ABCB9: variants seen among roughly 807,000 people sequenced by gnomAD.
The protein encoded by ABCB9 is ABC-type oligopeptide transporter ABCB9.
ABCB9 carries 36 observed loss-of-function variants against 62.0 expected under a neutral mutation model. That is an observed-to-expected ratio of 0.58 (90% CI 0.45 to 0.77). The LOEUF (loss-of-function observed/expected upper bound fraction) is 0.77, where lower values mean the gene tolerates loss of function less well. Among genes scored for constraint, ABCB9 ranks in the 30% least tolerant of loss-of-function variants. ABCB9 has a pLI of 0.00. For missense variants in ABCB9, 943 were observed against 1,054.7 expected, an observed-to-expected ratio of 0.89 and a Z score of 1.47; for synonymous variants, 435 against 461.4, an observed-to-expected ratio of 0.94 and a Z score of 0.73.
At chr12:122,952,724 AG>A (rs1393335806) in intron 2 of ABCB9, 1 of 152,220 alleles carries the variant, frequency 6.6e-6, no homozygotes, top group African/African-American at 2.4e-5. Flanking sequence ...GGCTGTGCAA[AG>A]CATGCCGGCA....
intron 2 of ABCB9, among the ~76,000 whole-genome samples, chr12:122,956,340 C>A (rs1025007870): frequency 2.0e-5 from 3 of 152,132 alleles, no homozygotes; most frequent in Non-Finnish European, 4.4e-5. Flanking sequence ...CTTGCCTAAC[C>A]TCACACAGAT....
Position 122,949,866 on chromosome 12 carries a change from G to T in ABCB9, c.769C>A (p.Leu257Met). 1 of 1,614,226 alleles carries T rather than the reference G, an allele frequency of 6.2e-7. No homozygotes were observed. Among genetic ancestry groups the T allele is most frequent in the African/African-American group, 1.3e-5 (1 of 75,074 alleles). ...AGACAGTTTCGAAGGCGAATGTTCA[G>T]TCTGGCAAATATGAGGGTAAAAATG... is the stretch of plus-strand genomic sequence containing the variant. The part of the protein sequence containing the change: ...GGIFTLIFAR[L>M]NIRLRNCLFR... Residue 257 changes from leucine (L) to methionine (M), a missense_variant, in exon 4 of 12, where the codon CTG becomes ATG. Coordinates refer to ENST00000280560, the MANE Select transcript of ABCB9 (RefSeq NM_019625.4).
chr12:122,957,355 C>T lies in ABCB9; in HGVS notation c.601+2280G>A, dbSNP rs577880781. 9.8e-5 allele frequency among the ~76,000 whole-genome samples: 15 copies of T among 152,288 alleles called. No individual in the cohort carries two copies. In the South Asian group the frequency reaches 3.1e-3, roughly 32 times the overall value. On this transcript the variant is annotated intron_variant, in intron 2 of 11. Coordinates refer to ENST00000280560, the MANE Select transcript of ABCB9 (RefSeq NM_019625.4). ...CTGCACCCAGCTCTCCCGTTCTTTT[C>T]AGCATCTAAAATGTCAGGAAATAAG...
chr12:122,946,937 G>T (rs2036072464), intron 5 of ABCB9, among the ~76,000 whole-genome samples: 1 of 152,254 alleles, frequency 6.6e-6, no homozygotes. Flanking sequence ...GAGAGTCCAG[G>T]ACAGGAGCAT....
rs1214819726 is a variant in ABCB9 at position 122,966,268 on chromosome 12, T to TA, written c.-88+18dup. 6.6e-6 allele frequency: 1 copy of TA among 152,310 alleles called. No individual in the cohort carries two copies. Among genetic ancestry groups the TA allele is most frequent in the Non-Finnish European group, 1.5e-5 (1 of 68,154 alleles). 9.4% of individuals were successfully genotyped at this position (152,310 alleles called of 1,614,324 possible). The stretch of plus-strand genomic sequence containing the variant: ...TGGAAAGGTCCCAAAACCAGGGGTC[T>TA]AGGGTGCCTTGCCCTTACCTGTTAC... On this transcript the variant is annotated intron_variant, in intron 1 of 11. Transcript: ENST00000280560.
Position 122,944,254 on chromosome 12 carries a change from A to G in ABCB9, c.1380+137T>C. Reference sequence around the variant, plus strand: ...TAGTATTATCATTCTTGATATGATCATGCTGTCTCCCCTACTTACCTTAGA... The same window carrying G: ...TAGTATTATCATTCTTGATATGATCGTGCTGTCTCCCCTACTTACCTTAGA... On this transcript the variant is annotated intron_variant, in intron 7 of 11. Coordinates refer to ENST00000280560, the MANE Select transcript of ABCB9 (RefSeq NM_019625.4). This position sits in a 1 kb window ranked among gnomAD's most constrained non-coding sequence, Gnocchi z 4.9. The G allele has an allele frequency of 7.7e-7, 1 of 1,302,516 alleles. No individual in the cohort carries two copies. The highest frequency in any genetic ancestry group is 1.0e-6 in the Non-Finnish European group (1 of 956,702). 80.7% of individuals were successfully genotyped at this position (1,302,516 alleles called of 1,614,324 possible).
chr12:122,924,769 A>T (rs2034844983), downstream of ABCB9: 1 of 1,534,594 alleles, frequency 6.5e-7, no homozygotes, highest in Non-Finnish European at 8.7e-7. Flanking sequence ...CTGTTCCCAA[A>T]GCCCTCGACT....
intron 1 of ABCB9, among the ~76,000 whole-genome samples, chr12:122,965,463 G>A (rs367563306): frequency 2.6e-5 from 4 of 152,310 alleles, no homozygotes; most frequent in African/African-American, 7.2e-5. Flanking sequence ...GGGCAGGAGC[G>A]GGCTGGGTCT....
chr12:122,972,060 G>A (rs769704579), intron 1 of ABCB9, among the ~76,000 whole-genome samples: 46 of 13,750 alleles, frequency 3.3e-3, no homozygotes, highest in Non-Finnish European at 5.4e-3. Flanking sequence ...TTTTTTTTTT[G>A]TTGAGACAGA....
intron 11 of ABCB9, among the ~76,000 whole-genome samples, chr12:122,922,134 G>A (rs1394643241): frequency 6.6e-6 from 1 of 152,130 alleles, no homozygotes; most frequent in African/African-American, 2.4e-5. Context: ...ACAGAAGTCA[G>A]AACAGCTGCT....
intron 2 of ABCB9, among the ~76,000 whole-genome samples, chr12:122,955,690 T>C (rs954844754): frequency 4.6e-5 from 7 of 152,018 alleles, no homozygotes; most frequent in Non-Finnish European, 8.8e-5. Context: ...CATAAATGCA[T>C]AGTTTTTTGG....
rs1365615281 is a variant in ABCB9 at position 122,929,362 on chromosome 12, C to T, written c.*549G>A. On this transcript the variant is annotated 3_prime_UTR_variant, in exon 12 of 12. Transcript: ENST00000280560. This position sits in a 1 kb window ranked among gnomAD's most constrained non-coding sequence, Gnocchi z 6.0. ...ATGCCCTCCACGCTCCCTACCCGCC[C>T]TGGCCAGACTCACAGAGCTGGCAAG... 1.0e-6 allele frequency: 1 copy of T among 986,080 alleles called. No individual in the cohort carries two copies. The highest frequency in any genetic ancestry group is 1.2e-6 in the Non-Finnish European group (1 of 830,102). 61.1% of individuals were successfully genotyped at this position (986,080 alleles called of 1,614,324 possible). A position where few individuals can be genotyped will look rare whatever the true frequency, so the allele number is the denominator to read the frequency against.
intron 11 of ABCB9, among the ~76,000 whole-genome samples, chr12:122,931,118 A>G (rs1026335540): frequency 1.3e-5 from 2 of 151,508 alleles, no homozygotes; most frequent in Non-Finnish European, 2.9e-5. Flanking sequence ...TCTGCTTCCC[A>G]GGTTCATGCT....
intron 9 of ABCB9, among the ~76,000 whole-genome samples, chr12:122,936,904 C>CAA (rs35685959): frequency 1.1e-4 from 12 of 111,264 alleles, no homozygotes; most frequent in Non-Finnish European, 1.5e-4. Context: ...AACTCCATCT[C>CAA]AAAAAAAAAA....
At chr12:122,953,848 C>A (rs2036487849) in intron 2 of ABCB9, among the ~76,000 whole-genome samples, 2 of 152,106 alleles carry the variant, frequency 1.3e-5, no homozygotes, top group Non-Finnish European at 2.9e-5. Context: ...TGCTCCCCTA[C>A]CTTCTTAAGT....
In ABCB9 at chr12:122,930,294, G is replaced by A; in HGVS notation, c.2041-123C>T. 1 of 1,019,594 alleles carries A rather than the reference G, an allele frequency of 9.8e-7. No homozygotes were observed. Among genetic ancestry groups the A allele is most frequent in the African/African-American group, 1.6e-5 (1 of 62,120 alleles). 63.2% of individuals were successfully genotyped at this position (1,019,594 alleles called of 1,614,324 possible). A position where few individuals can be genotyped will look rare whatever the true frequency, so the allele number is the denominator to read the frequency against. Reference sequence around the variant, plus strand: ...AGGCTCAGTTCACAAACGATGGCCAGCTTCCTGGGTTTTTCTTAAAGGGAG... The same window carrying A: ...AGGCTCAGTTCACAAACGATGGCCAACTTCCTGGGTTTTTCTTAAAGGGAG... On this transcript the variant is annotated intron_variant, in intron 11 of 11. Coordinates refer to ENST00000280560, the MANE Select transcript of ABCB9 (RefSeq NM_019625.4). This position sits in a 1 kb window ranked among gnomAD's most constrained non-coding sequence, Gnocchi z 4.9.
intron 1 of ABCB9, among the ~76,000 whole-genome samples, chr12:122,965,783 C>T (rs1373362418): frequency 6.6e-6 from 1 of 151,980 alleles, no homozygotes; most frequent in Non-Finnish European, 1.5e-5. Context: ...TGGGAACCTA[C>T]AGGCCTCACT....
At chr12:122,971,811 G>A (rs1269968951) in intron 1 of ABCB9, among the ~76,000 whole-genome samples, 2 of 152,106 alleles carry the variant, frequency 1.3e-5, no homozygotes, top group East Asian at 1.9e-4. Context: ...ATAATGAGGT[G>A]TCAGTGTGGG....
At chr12:122,951,045 A>G (rs1594044094) in intron 2 of ABCB9, 1 of 129,466 alleles carries the variant, frequency 7.7e-6, no homozygotes, top group Non-Finnish European at 1.6e-5. Context: ...CAGGGGTCTC[A>G]CTATGTGGCC....
Sources: gnomAD v4.1 joint callset for allele counts (sites outside exome capture counted in the v4.1 genomes callset) on GRCh38, gnomAD v4.1.1 for gene constraint, Gnocchi (gnomAD v3.1) non-coding constraint, MANE v1.5 for transcripts, NCBI Gene and HGNC (gene_info 2026-07-23, HGNC 2026-07-21) for gene names.